Variants in CACNA2D1 observed in about 807,000 individuals in gnomAD.
CACNA2D1 encodes the protein voltage-dependent calcium channel subunit alpha-2/delta-1.
CACNA2D1 carries 53 observed loss-of-function variants against 171.5 expected under a neutral mutation model. The ratio of observed to expected loss-of-function variants is 0.31; its 90% CI spans 0.25 to 0.39. The LOEUF is 0.39. Among genes scored for constraint, CACNA2D1 ranks in the 10% least tolerant of loss-of-function variants. The pLI is 1.00. For synonymous variants in CACNA2D1, 442 were observed against 443.1 expected, an observed-to-expected ratio of 1.00 and a Z score of 0.03; for missense variants, 903 against 1,299.8, an observed-to-expected ratio of 0.69 and a Z score of 4.69.
At chr7:82,151,917 CCT>C (rs1157047435) in intron 4 of CACNA2D1, among the ~76,000 whole-genome samples, 1 of 151,890 alleles carries the variant, frequency 6.6e-6, no homozygotes, top group Non-Finnish European at 1.5e-5. Context: ...GACACAATTC[CCT>C]CTCTACAAAA....
intron 3 of CACNA2D1, among the ~76,000 whole-genome samples, chr7:82,267,922 A>G (rs906623940): frequency 6.6e-6 from 1 of 152,118 alleles, no homozygotes; most frequent in Non-Finnish European, 1.5e-5. Context: ...GTGTGAACCC[A>G]GGAGGCACAG....
Position 82,014,561 on chromosome 7 carries a change from T to C in CACNA2D1, c.1144-82A>G, listed in dbSNP as rs768297176. On this transcript the variant is annotated intron_variant, in intron 12 of 38. Transcript: ENST00000356860. ...AAAATAAAACAGCTAAAATTTCTAT[T>C]GAAAAGAGTGCTTTCCAGTTGAATG... The C allele has an allele frequency of 8.2e-5, 64 of 780,502 alleles. 1 individual carries two copies. Among genetic ancestry groups the C allele is most frequent in the Non-Finnish European group, 1.3e-4 (57 of 438,240 alleles). The allele number at this position is 780,502 out of a possible 1,614,324, so 48.3% of individuals were successfully genotyped here.
intron 1 of CACNA2D1, among the ~76,000 whole-genome samples, chr7:82,406,978 T>C (rs1827129223): frequency 6.6e-6 from 1 of 152,208 alleles, no homozygotes; most frequent in African/African-American, 2.4e-5. Flanking sequence ...TCCACATATA[T>C]AAACACTATC....
chr7:81,993,022 CTATTTTAAACT>C (rs1424313353), intron 20 of CACNA2D1, among the ~76,000 whole-genome samples: 4 of 152,086 alleles, frequency 2.6e-5, no homozygotes, highest in African/African-American at 9.7e-5. Context: ...AGTTCTAATT[CTATTTTAAACT>C]TATTTCAGTA....
chr7:81,958,517 T>TC (rs1793708978), intron 38 of CACNA2D1, among the ~76,000 whole-genome samples: 1 of 151,984 alleles, frequency 6.6e-6, no homozygotes, highest in Non-Finnish European at 1.5e-5. Context: ...TCTTAAGAAT[T>TC]TTAAAAGCAT....
At chr7:82,279,649 C>T (rs1809817632) in intron 3 of CACNA2D1, among the ~76,000 whole-genome samples, 2 of 152,172 alleles carry the variant, frequency 1.3e-5, no homozygotes, top group African/African-American at 4.8e-5. Flanking sequence ...CTTCTTCTAA[C>T]CTAACTTTTC....
intron 5 of CACNA2D1, among the ~76,000 whole-genome samples, chr7:82,127,703 GTTT>G (rs1303595421): frequency 5.3e-5 from 8 of 152,090 alleles, no homozygotes; most frequent in Admixed American, 2.0e-4. Flanking sequence ...TTTAAATTGG[GTTT>G]TTAAGTAAAG....
At chr7:82,105,567 C>T (rs1366270584) in intron 6 of CACNA2D1, among the ~76,000 whole-genome samples, 2 of 151,938 alleles carry the variant, frequency 1.3e-5, no homozygotes, top group Non-Finnish European at 2.9e-5. Context: ...ATAAATAATA[C>T]TATCTCCATA....
intron 1 of CACNA2D1, among the ~76,000 whole-genome samples, chr7:82,395,769 T>C (rs1488869045): frequency 6.6e-6 from 1 of 152,184 alleles, no homozygotes; most frequent in Non-Finnish European, 1.5e-5. Context: ...ATAGTAAGTA[T>C]GTATTTTCTC....
chr7:82,059,259 A>C (rs1562978645), intron 10 of CACNA2D1, among the ~76,000 whole-genome samples: 1 of 152,132 alleles, frequency 6.6e-6, no homozygotes, highest in African/African-American at 2.4e-5. Context: ...ATTTTGCCTA[A>C]ATTCTATGAA....
chr7:82,120,555 G>C (rs191220898), intron 5 of CACNA2D1, among the ~76,000 whole-genome samples: 259 of 151,864 alleles, frequency 1.7e-3, no homozygotes, highest in African/African-American at 6.1e-3. Flanking sequence ...TGGCATACTG[G>C]GATACTGGAT....
At position 82,443,648 on chromosome 7, in the gene CACNA2D1, G is replaced by A. The variant is rs1830684112; in HGVS notation, c.-189C>T. 1.6e-6 allele frequency: 2 copies of A among 1,287,836 alleles called. No individual in the cohort carries two copies. Among genetic ancestry groups the A allele is most frequent in the Non-Finnish European group, 2.0e-6 (2 of 1,025,380 alleles). The allele number at this position is 1,287,836 out of a possible 1,614,324, so 79.8% of individuals were successfully genotyped here. A position where few individuals can be genotyped will look rare whatever the true frequency, so the allele number is the denominator to read the frequency against. On this transcript the variant is annotated 5_prime_UTR_variant, in exon 1 of 39. Transcript: ENST00000356860. ...AGGGCGGGAGCGGACGCCGAGGAAG[G>A]GGCGGTGGCGGGCGGACCCACTAGC...
intron 3 of CACNA2D1, among the ~76,000 whole-genome samples, chr7:82,288,421 A>G (rs962719611): frequency 2.4e-3 from 137 of 56,400 alleles, no homozygotes; most frequent in African/African-American, 0.011. Flanking sequence ...TTTTGCTTCT[A>G]TACACACACA....
At chr7:82,186,458 C>T (rs35869782) in intron 3 of CACNA2D1, among the ~76,000 whole-genome samples, 51,803 of 151,936 alleles carry the variant, frequency 0.34, 9,056 homozygotes, top group East Asian at 0.48. Context: ...AAGGAAATGA[C>T]ACTTCGATGT....
intron 18 of CACNA2D1, 125 bp from the exon 19 acceptor site, chr7:81,997,375 G>T (rs1262216590): frequency 8.0e-5 from 44 of 552,640 alleles, no homozygotes; most frequent in Admixed American, 2.2e-4. Context: ...TTGTATAAAG[G>T]TATCTTCTTT....
intron 4 of CACNA2D1, among the ~76,000 whole-genome samples, chr7:82,151,641 TGGTGTCACTTC>T (rs1421089845): frequency 6.6e-6 from 1 of 152,108 alleles, no homozygotes; most frequent in African/African-American, 2.4e-5. Flanking sequence ...CATAAGAGGC[TGGTGTCACTTC>T]GGTGGAGAGC....
chr7:82,223,466 A>G (rs1014992080), intron 3 of CACNA2D1, among the ~76,000 whole-genome samples: 4 of 152,114 alleles, frequency 2.6e-5, no homozygotes, highest in African/African-American at 9.7e-5. Context: ...CATACAGGTA[A>G]TTTTCTTTTC....
chr7:82,277,762 T>TTTTTTG (rs1378304183), intron 3 of CACNA2D1, among the ~76,000 whole-genome samples: 1 of 150,806 alleles, frequency 6.6e-6, no homozygotes. Flanking sequence ...TTTTTTTTTT[T>TTTTTTG]TGAGATGGAG....
chr7:82,349,344 G>T (rs2129445845), intron 2 of CACNA2D1, among the ~76,000 whole-genome samples: 1 of 152,206 alleles, frequency 6.6e-6, no homozygotes, highest in Non-Finnish European at 1.5e-5. Flanking sequence ...TGAGACCTAC[G>T]TATCAACTGC....
Sources: allele counts gnomAD v4.1 joint callset (sites outside exome capture counted in the v4.1 genomes callset), GRCh38; gene constraint gnomAD v4.1.1; transcripts MANE v1.5; gene names NCBI Gene and HGNC (gene_info 2026-07-23, HGNC 2026-07-21).